COX7A2L: variants seen among roughly 807,000 people sequenced by gnomAD.
COX7A2L encodes cytochrome c oxidase subunit 7A2 like, also known as cytochrome c oxidase subunit 7A2-like, mitochondrial.
In COX7A2L, 18 loss-of-function variants were observed where a neutral mutation model predicts 14.2. That is an observed-to-expected ratio of 1.27 (90% CI 0.88 to 1.88). COX7A2L has a LOEUF of 1.88. Among genes scored for constraint, COX7A2L ranks in the 40% most tolerant of loss-of-function variants. The probability of loss-of-function intolerance (pLI) is 0.00; values close to 1 mark genes in which losing one functional copy is unlikely to be tolerated. For missense variants in COX7A2L, 179 were observed against 138.8 expected (o/e 1.29, Z -1.46); for synonymous variants, 65 against 57.4 (o/e 1.13, Z -0.60).
intron 1 of COX7A2L, among the ~76,000 whole-genome samples, chr2:42,368,104 A>C (rs1671202872): frequency 6.6e-6 from 1 of 152,260 alleles, no homozygotes. Flanking sequence ...CTGCCCAGGC[A>C]GTTCTGTTCT....
intron 1 of COX7A2L, among the ~76,000 whole-genome samples, chr2:42,358,562 T>C (rs1430396878): frequency 6.6e-6 from 1 of 152,232 alleles, no homozygotes; most frequent in African/African-American, 2.4e-5. Context: ...CCTGTCACAA[T>C]CACTCAGAAA....
intron 1 of COX7A2L, 163 bp downstream of exon 1, chr2:42,360,927 G>A (rs922435083): frequency 4.2e-6 from 3 of 706,676 alleles, no homozygotes; most frequent in African/African-American, 3.6e-5. Context: ...AAGCCTCAGT[G>A]ACCACCGTAC....
intron 1 of COX7A2L, among the ~76,000 whole-genome samples, chr2:42,354,790 C>G (rs1265994378): frequency 6.6e-6 from 1 of 152,216 alleles, no homozygotes; most frequent in Non-Finnish European, 1.5e-5. Context: ...TAGAAATACA[C>G]AATGAATAAC....
chr2:42,351,380 A>C (rs780385935), intron 2 of COX7A2L, 21 bp from the exon 3 acceptor site: 2 of 1,609,188 alleles, frequency 1.2e-6, no homozygotes, highest in African/African-American at 2.7e-5. Flanking sequence ...AGAATTAACA[A>C]GGGCATGGTT....
rs1460838310 is a variant in COX7A2L, at chr2:42,349,605, T to C, written c.*1614A>G. On this transcript the variant is annotated 3_prime_UTR_variant, in exon 3 of 3. Coordinates refer to ENST00000234301, the MANE Select transcript of COX7A2L (RefSeq NM_004718.4). Reference sequence around the variant, plus strand: ...CACTTGAGGTGAACTGTACAGTATGTAAATTATATCCCAATAAAGCTGTTA... The same window carrying C: ...CACTTGAGGTGAACTGTACAGTATGCAAATTATATCCCAATAAAGCTGTTA... 3 of 152,240 alleles carry C rather than the reference T, an allele frequency of 2.0e-5. No individual in the cohort carries two copies. Among genetic ancestry groups the C allele is most frequent in the Non-Finnish European group, 4.4e-5 (3 of 68,042 alleles). 9.4% of individuals were successfully genotyped at this position (152,240 alleles called of 1,614,324 possible). A position where few individuals can be genotyped will look rare whatever the true frequency, so the allele number is the denominator to read the frequency against.
intron 1 of COX7A2L, among the ~76,000 whole-genome samples, chr2:42,355,346 T>C (rs929679409): frequency 3.3e-5 from 5 of 152,196 alleles, no homozygotes; most frequent in African/African-American, 1.2e-4. Context: ...AATGCAAAAA[T>C]TTCTTCTTGA....
At chr2:42,351,702 G>A (rs908687213) in intron 2 of COX7A2L, among the ~76,000 whole-genome samples, 12 of 152,192 alleles carry the variant, frequency 7.9e-5, no homozygotes, top group East Asian at 1.9e-4. Context: ...GGCTGGGCGC[G>A]GTGGCTCACA....
chr2:42,345,609 G>GGTCT (rs1302363224), downstream of COX7A2L, among the ~76,000 whole-genome samples: 1 of 152,166 alleles, frequency 6.6e-6, no homozygotes, highest in Non-Finnish European at 1.5e-5. Context: ...AATGGCTGAG[G>GGTCT]GTCTGCCTTC....
Position 42,339,512 on chromosome 2 carries a change from C to T in COX7A2L, c.193-5643G>A, listed in dbSNP as rs111293638. Among the ~76,000 whole-genome samples, 124 of 152,208 alleles carry T rather than the reference C, an allele frequency of 8.1e-4. 2 individuals carry two copies. The highest frequency in any genetic ancestry group is 1.5e-3 in the Non-Finnish European group (99 of 68,034). On this transcript the variant is annotated intron_variant, in intron 2 of 2. Coordinates refer to the COX7A2L transcript ENST00000468711. This position sits in a 1 kb window ranked among gnomAD's most constrained non-coding sequence, Gnocchi z 5.4. ...CATGTGAGCGACACTGGCCGACAAC[C>T]TCCTTGAAACCCCCTCCTCTCCTGC...
exon 1 of COX7A2L, chr2:42,368,933 C>G (rs188620991): frequency 1.3e-5 from 2 of 152,412 alleles, no homozygotes; most frequent in East Asian, 3.9e-4. Flanking sequence ...CCGTCCATCT[C>G]CCGACCTCCC....
At position 42,338,116 on chromosome 2, in the gene COX7A2L, T is replaced by A. The variant is rs905561518; in HGVS notation, c.193-4247A>T. On this transcript the variant is annotated intron_variant, in intron 2 of 2. Coordinates refer to the COX7A2L transcript ENST00000468711. This position sits in a 1 kb window ranked among gnomAD's most constrained non-coding sequence, Gnocchi z 4.4. ...TTCATCTTCTGGTCCGCCCCTCCGATGACGGTTGGTTGGTCCATAACCCTA... is the reference window on the plus strand; with the variant it reads ...TTCATCTTCTGGTCCGCCCCTCCGAAGACGGTTGGTTGGTCCATAACCCTA... Among the ~76,000 whole-genome samples, 2 of 152,156 alleles carry A rather than the reference T, an allele frequency of 1.3e-5. No homozygotes were observed. The highest frequency in any genetic ancestry group is 4.8e-5 in the African/African-American group (2 of 41,458).
At chr2:42,361,248 T>A (rs1442446185), upstream of COX7A2L, 1 of 1,290,988 alleles carries the variant, frequency 7.7e-7, no homozygotes, top group East Asian at 2.5e-5. Flanking sequence ...GTCCCGAGAC[T>A]CAGCGCAAGG....
At position 42,349,604 on chromosome 2, in the gene COX7A2L, G is replaced by A. The variant is rs560604961; in HGVS notation, c.*1615C>T. The A allele has an allele frequency of 2.2e-4, 33 of 152,314 alleles. No individual in the cohort carries two copies. Among genetic ancestry groups the A allele is most frequent in the African/African-American group, 7.9e-4 (33 of 41,570 alleles). 9.4% of individuals were successfully genotyped at this position (152,314 alleles called of 1,614,324 possible). A position where few individuals can be genotyped will look rare whatever the true frequency, so the allele number is the denominator to read the frequency against. On this transcript the variant is annotated 3_prime_UTR_variant, in exon 3 of 3. Coordinates refer to ENST00000234301, the MANE Select transcript of COX7A2L (RefSeq NM_004718.4). Reference sequence around the variant, plus strand: ...ACACTTGAGGTGAACTGTACAGTATGTAAATTATATCCCAATAAAGCTGTT... The same window carrying A: ...ACACTTGAGGTGAACTGTACAGTATATAAATTATATCCCAATAAAGCTGTT...
At position 42,361,141 on chromosome 2, in the gene COX7A2L, G is replaced by A. The variant is rs17850163; in HGVS notation, c.21C>T (p.Gly7=). MYYKFS[G]FTQKLAGAWA... is the part of the protein sequence containing the mutation. ...ATGCTCCTGCCAACTTCTGCGTGAAGCCACTAAACTTGTAGTACATGACGC... is the reference window on the plus strand; with the variant it reads ...ATGCTCCTGCCAACTTCTGCGTGAAACCACTAAACTTGTAGTACATGACGC... The change falls in exon 1 of 3, where the codon GGC becomes GGT. Residue 7 remains glycine, a synonymous_variant. Coordinates refer to ENST00000234301, the MANE Select transcript of COX7A2L (RefSeq NM_004718.4). 2 of 1,613,802 alleles carry A rather than the reference G, an allele frequency of 1.2e-6. No homozygotes were observed. Among genetic ancestry groups the A allele is most frequent in the Non-Finnish European group, 1.7e-6 (2 of 1,179,878 alleles).
Position 42,339,140 on chromosome 2 carries a change from C to T in COX7A2L, c.193-5271G>A, listed in dbSNP as rs1345095319. Among the ~76,000 whole-genome samples, 2 of 152,180 alleles carry T rather than the reference C, an allele frequency of 1.3e-5. No homozygotes were observed. Among genetic ancestry groups the T allele is most frequent in the Non-Finnish European group, 2.9e-5 (2 of 68,030 alleles). The stretch of plus-strand genomic sequence containing the variant: ...AAGTGGTTTCTATGGGAAACTCTCA[C>T]AATAAAATAGAAGGAAGTTTTTTTA... On this transcript the variant is annotated intron_variant, in intron 2 of 2. Coordinates refer to the COX7A2L transcript ENST00000468711. The surrounding 1 kb of genome is among the most constrained non-coding windows in gnomAD (Gnocchi z 5.4).
intron 1 of COX7A2L, among the ~76,000 whole-genome samples, chr2:42,367,662 G>A (rs1021585447): frequency 6.6e-6 from 1 of 152,244 alleles, no homozygotes; most frequent in African/African-American, 2.4e-5. Context: ...CCAGCGACAC[G>A]CCTGCCGTTA....
upstream of COX7A2L, among the ~76,000 whole-genome samples, chr2:42,362,114 G>C (rs1671071209): frequency 6.6e-6 from 1 of 152,180 alleles, no homozygotes; most frequent in African/African-American, 2.4e-5. Flanking sequence ...CGATAAATGA[G>C]GTAGGGGGAG....
chr2:42,361,574 T>TG (rs879413963), upstream of COX7A2L: 42 of 157,732 alleles, frequency 2.7e-4, no homozygotes, highest in Admixed American at 4.6e-4. Context: ...AGGCGGGGCC[T>TG]GGGGGGGAGA....
intron 1 of COX7A2L, among the ~76,000 whole-genome samples, chr2:42,360,308 G>A (rs747783923): frequency 2.0e-5 from 3 of 152,104 alleles, no homozygotes; most frequent in African/African-American, 7.2e-5. Context: ...TACTAACGCC[G>A]CCCTGGATGA....
Sources: gnomAD v4.1 joint callset for allele counts (sites outside exome capture counted in the v4.1 genomes callset) on GRCh38, gnomAD v4.1.1 for gene constraint, Gnocchi (gnomAD v3.1) non-coding constraint, MANE v1.5 for transcripts, NCBI Gene and HGNC (gene_info 2026-07-23, HGNC 2026-07-21) for gene names.